The following MYO1E variants were observed in gnomAD, a reference collection of about 807,000 sequenced individuals.
MYO1E encodes the protein unconventional myosin-Ie.
A neutral mutation model predicts 151.1 loss-of-function variants in MYO1E; 68 were observed. That is an observed-to-expected ratio of 0.45 (90% confidence interval 0.37 to 0.55). The LOEUF is 0.55. Among genes scored for constraint, MYO1E ranks in the 20% least tolerant of loss-of-function variants. MYO1E has a pLI of 0.00. For synonymous variants in MYO1E, 601 were observed against 501.7 expected (o/e 1.20, Z -2.64); for missense variants, 1,363 against 1,389.3 (o/e 0.98, Z 0.30).
intron 23 of MYO1E, 30 bp from the exon 24 acceptor site, chr15:59,161,260 C>G (rs183036774): frequency 6.2e-7 from 1 of 1,610,226 alleles, no homozygotes; most frequent in African/African-American, 1.3e-5. Flanking sequence ...GTTAACAGGT[C>G]GAAGGACGCA....
At chr15:59,223,306 A>T in intron 8 of MYO1E, 115 bp from the exon 9 acceptor site, 32 of 1,109,100 alleles carry the variant, frequency 2.9e-5, no homozygotes, top group Non-Finnish European at 3.5e-5. Flanking sequence ...AGTACAGACG[A>T]GTTACAAAGA....
At chr15:59,251,068 T>A (rs2080161938) in intron 4 of MYO1E, among the ~76,000 whole-genome samples, 1 of 152,078 alleles carries the variant, frequency 6.6e-6, no homozygotes, top group South Asian at 2.1e-4. Context: ...GAGGACTCTA[T>A]CAGAAAACTC....
At chr15:59,254,319 C>G (rs1249178334) in intron 4 of MYO1E, among the ~76,000 whole-genome samples, 1 of 152,150 alleles carries the variant, frequency 6.6e-6, no homozygotes, top group Non-Finnish European at 1.5e-5. Context: ...TCCCTAGTAG[C>G]TAGGGCTACA....
intron 1 of MYO1E, among the ~76,000 whole-genome samples, chr15:59,315,077 C>T (rs1254622744): frequency 6.6e-6 from 1 of 152,112 alleles, no homozygotes; most frequent in East Asian, 1.9e-4. Flanking sequence ...AGCCTGGGGG[C>T]CACCAGCTTA....
intron 1 of MYO1E, among the ~76,000 whole-genome samples, chr15:59,277,395 T>C (rs553947439): frequency 6.6e-6 from 1 of 151,870 alleles, no homozygotes; most frequent in Non-Finnish European, 1.5e-5. Flanking sequence ...AAATACAAAA[T>C]TTAGCTGGGC....
chr15:59,172,834 T>C lies in MYO1E; in HGVS notation c.2335-792A>G, dbSNP rs1189868104. On this transcript the variant is annotated intron_variant, in intron 21 of 27. Transcript: ENST00000288235. Reference sequence around the variant, plus strand: ...GAATTTGTGGGTAACCACTTTATAATGAGTACCGCTGCGAGAGCTAAGCAC... The same window carrying C: ...GAATTTGTGGGTAACCACTTTATAACGAGTACCGCTGCGAGAGCTAAGCAC... Among the ~76,000 whole-genome samples the C allele has an allele frequency of 2.6e-5, 4 of 152,252 alleles. No homozygotes were observed. The South Asian group carries it at 6.2e-4, about 24-fold the overall frequency.
intron 1 of MYO1E, among the ~76,000 whole-genome samples, chr15:59,346,360 T>C (rs2080794184): frequency 6.6e-6 from 1 of 152,116 alleles, no homozygotes; most frequent in African/African-American, 2.4e-5. Context: ...GGCCACTCTA[T>C]TAATGAAGAA....
At chr15:59,357,727 G>C (rs755802631) in intron 1 of MYO1E, among the ~76,000 whole-genome samples, 42 of 152,172 alleles carry the variant, frequency 2.8e-4, no homozygotes, top group Non-Finnish European at 5.0e-4. Context: ...TGGGATTACA[G>C]GCGTGAGCCA....
At chr15:59,232,439 G>A (rs988734155) in intron 5 of MYO1E, among the ~76,000 whole-genome samples, 2 of 152,228 alleles carry the variant, frequency 1.3e-5, no homozygotes, top group African/African-American at 4.8e-5. Flanking sequence ...TAAGCAGCAA[G>A]GGTCAACAGT....
chr15:59,359,323 TATA>T (rs2080872659), intron 1 of MYO1E, among the ~76,000 whole-genome samples: 2 of 138,812 alleles, frequency 1.4e-5, no homozygotes, highest in South Asian at 4.4e-4. Context: ...AATATATATA[TATA>T]TTTTTTTTTT....
intron 26 of MYO1E, among the ~76,000 whole-genome samples, chr15:59,151,074 G>A (rs1366135655): frequency 2.0e-5 from 3 of 151,312 alleles, no homozygotes; most frequent in African/African-American, 4.9e-5. Context: ...CGTGCACTTA[G>A]AGAGAGGTCT....
chr15:59,235,992 T>C (rs548498436), intron 5 of MYO1E, among the ~76,000 whole-genome samples: 4 of 152,310 alleles, frequency 2.6e-5, no homozygotes, highest in Non-Finnish European at 4.4e-5. Flanking sequence ...TTCATGTCCT[T>C]TGTTTATTTT....
intron 15 of MYO1E, 28 bp downstream of exon 15, chr15:59,205,372 C>G (rs1566978008): frequency 6.2e-7 from 1 of 1,603,574 alleles, no homozygotes; most frequent in East Asian, 2.2e-5. Flanking sequence ...ACCTATATCC[C>G]CTGTCAGCTA....
intron 14 of MYO1E, chr15:59,207,114 T>A: frequency 6.2e-7 from 1 of 1,614,276 alleles, no homozygotes; most frequent in Non-Finnish European, 8.5e-7. Context: ...GTGAGCTTAT[T>A]GAGCGTTTCA....
chr15:59,202,848 C>G (rs551121923), intron 15 of MYO1E, among the ~76,000 whole-genome samples: 1 of 152,298 alleles, frequency 6.6e-6, no homozygotes, highest in South Asian at 2.1e-4. Context: ...CTCAAGCCAT[C>G]TTCCCACCTC....
At chr15:59,298,007 T>C (rs1176999128) in intron 1 of MYO1E, among the ~76,000 whole-genome samples, 2 of 152,208 alleles carry the variant, frequency 1.3e-5, no homozygotes, top group African/African-American at 4.8e-5. Flanking sequence ...TCTAGGCAAA[T>C]AATTTTGTGT....
At position 59,195,726 on chromosome 15, in the gene MYO1E, G is replaced by A. The variant is rs117107039; in HGVS notation, c.1699-159C>T. On this transcript the variant is annotated intron_variant, in intron 16 of 27. Transcript: ENST00000288235. ...ATAACTCAGGTCTACTAAACTTTCCGAAAGCTTTGCCGACTTTTATGATGA... is the reference window on the plus strand; with the variant it reads ...ATAACTCAGGTCTACTAAACTTTCCAAAAGCTTTGCCGACTTTTATGATGA... 1.7e-3 allele frequency among the ~76,000 whole-genome samples: 252 copies of A among 152,264 alleles called. 2 individuals carry two copies. The East Asian group carries it at 0.03, about 18-fold the overall frequency.
At chr15:59,330,564 T>A (rs1187137256) in intron 1 of MYO1E, among the ~76,000 whole-genome samples, 1 of 152,184 alleles carries the variant, frequency 6.6e-6, no homozygotes, top group Non-Finnish European at 1.5e-5. Flanking sequence ...ACTGTAATAA[T>A]AGTCTTTTGT....
chr15:59,358,100 G>C (rs1462059553), intron 1 of MYO1E, among the ~76,000 whole-genome samples: 1 of 152,170 alleles, frequency 6.6e-6, no homozygotes, highest in Non-Finnish European at 1.5e-5. Flanking sequence ...CCCAAACAAA[G>C]AGGATGATGT....
Sources: gnomAD v4.1 joint callset for allele counts (sites outside exome capture counted in the v4.1 genomes callset) on GRCh38, gnomAD v4.1.1 for gene constraint, MANE v1.5 for transcripts, NCBI Gene and HGNC (gene_info 2026-07-23, HGNC 2026-07-21) for gene names.